The following BTBD16 variants were observed in gnomAD, a reference collection of about 807,000 sequenced individuals.
BTBD16 encodes the protein BTB domain containing 16.
In BTBD16, 66 loss-of-function variants were observed where a neutral mutation model predicts 67.4. That is an observed-to-expected ratio of 0.98 (90% CI 0.80 to 1.20). The LOEUF is 1.20. BTBD16 is among the 50% of genes most tolerant of loss of function. The pLI is 0.00. For synonymous variants in BTBD16, 242 were observed against 236.4 expected (o/e 1.02, Z -0.22); for missense variants, 634 against 616.0 (o/e 1.03, Z -0.31).
chr10:122,305,333 T>C (rs1483037947), intron 9 of BTBD16, among the ~76,000 whole-genome samples: 1 of 152,216 alleles, frequency 6.6e-6, no homozygotes, highest in Non-Finnish European at 1.5e-5. Flanking sequence ...TAATCCCCAG[T>C]GTTGGAGATG....
chr10:122,329,535 C>T lies in BTBD16; in HGVS notation c.967C>T (p.Leu323Phe), dbSNP rs758884114. 5.0e-6 allele frequency: 8 copies of T among 1,613,958 alleles called. No homozygotes were observed. The African/African-American group carries it at 9.3e-5, about 19-fold the overall frequency. ...DRDIGRSLRP[L>F]FLCLRLHGIT... is the part of the protein sequence containing the mutation. ...GGACATAGGACGGAGCTTGAGGCCG[C>T]TCTTCCTCTGCTTGCGTCTGCACGG... Residue 323 changes from leucine (L) to phenylalanine (F), a missense_variant, in exon 11 of 16, where the codon CTC (leucine) becomes TTC (phenylalanine). Coordinates refer to ENST00000260723, the MANE Select transcript of BTBD16 (RefSeq NM_144587.5).
At chr10:122,306,513 G>T (rs2096403946) in intron 9 of BTBD16, among the ~76,000 whole-genome samples, 2 of 152,306 alleles carry the variant, frequency 1.3e-5, no homozygotes, top group Middle Eastern at 3.4e-3. Context: ...CTCACAGGAG[G>T]TTCCACAGCC....
intron 3 of BTBD16, among the ~76,000 whole-genome samples, chr10:122,281,711 A>G (rs2096353608): frequency 6.6e-6 from 1 of 152,240 alleles, no homozygotes; most frequent in Admixed American, 6.5e-5. Context: ...TCTGGGACCA[A>G]GAAGCAGAAA....
intron 3 of BTBD16, among the ~76,000 whole-genome samples, chr10:122,280,334 G>A (rs538336908): frequency 2.0e-5 from 3 of 152,244 alleles, no homozygotes; most frequent in African/African-American, 7.2e-5. Flanking sequence ...TGGAAACCCA[G>A]AGATCCAGCA....
chr10:122,308,684 T>C (rs1298697277), intron 10 of BTBD16, among the ~76,000 whole-genome samples: 1 of 152,102 alleles, frequency 6.6e-6, no homozygotes, highest in African/African-American at 2.4e-5. Context: ...TGGGAAAGTG[T>C]AGGGCTTGGA....
chr10:122,337,025 C>T (rs1176566702), intron 15 of BTBD16, among the ~76,000 whole-genome samples: 1 of 152,146 alleles, frequency 6.6e-6, no homozygotes, highest in Non-Finnish European at 1.5e-5. Flanking sequence ...GTGAGTGGCA[C>T]ATTAATTTCC....
intron 10 of BTBD16, among the ~76,000 whole-genome samples, chr10:122,317,852 C>T (rs2096428653): frequency 6.6e-6 from 1 of 152,106 alleles, no homozygotes; most frequent in Admixed American, 6.5e-5. Flanking sequence ...TCTGGAATAC[C>T]TCCTGAAGGT....
intron 10 of BTBD16, among the ~76,000 whole-genome samples, chr10:122,327,173 G>A (rs992849789): frequency 2.0e-5 from 3 of 152,158 alleles, no homozygotes; most frequent in Non-Finnish European, 4.4e-5. Flanking sequence ...CAGTTCTGAG[G>A]GTGGACCACA....
At chr10:122,323,329 A>C (rs1323017880) in intron 10 of BTBD16, among the ~76,000 whole-genome samples, 2 of 152,160 alleles carry the variant, frequency 1.3e-5, no homozygotes, top group East Asian at 3.9e-4. Flanking sequence ...CTTAGGCATT[A>C]CGGTGTGTGT....
chr10:122,302,673 A>G (rs2096396393), intron 9 of BTBD16, among the ~76,000 whole-genome samples: 1 of 152,214 alleles, frequency 6.6e-6, no homozygotes, highest in Admixed American at 6.5e-5. Flanking sequence ...CATCTCAAAT[A>G]TAATAGTTCC....
chr10:122,314,987 T>C (rs922907409), intron 10 of BTBD16, among the ~76,000 whole-genome samples: 11 of 152,166 alleles, frequency 7.2e-5, no homozygotes, highest in African/African-American at 2.7e-4. Context: ...TTTCAGTAAT[T>C]CCCCAATCTG....
At chr10:122,278,699 C>A (rs2096346116) in intron 3 of BTBD16, among the ~76,000 whole-genome samples, 1 of 152,194 alleles carries the variant, frequency 6.6e-6, no homozygotes, top group East Asian at 1.9e-4. Flanking sequence ...AGGAGCCGGT[C>A]TTCTGGGGAG....
chr10:122,310,750 G>A (rs767807499), intron 10 of BTBD16, among the ~76,000 whole-genome samples: 1 of 152,168 alleles, frequency 6.6e-6, no homozygotes, highest in African/African-American at 2.4e-5. Context: ...TCTACTTCCC[G>A]GGGAGGGGGA....
intron 9 of BTBD16, among the ~76,000 whole-genome samples, chr10:122,302,202 T>G (rs2096395326): frequency 1.3e-5 from 2 of 152,228 alleles, no homozygotes; most frequent in African/African-American, 4.8e-5. Context: ...CCTTCAGCTT[T>G]TGCTTTCCAT....
At chr10:122,328,945 C>T (rs2096450144) in intron 10 of BTBD16, 1 of 567,218 alleles carries the variant, frequency 1.8e-6, no homozygotes, top group Admixed American at 6.3e-5. Flanking sequence ...CACAGCCGTT[C>T]TCTTCTTCTT....
At chr10:122,332,724 T>A in intron 13 of BTBD16, 1 of 788,084 alleles carries the variant, frequency 1.3e-6, no homozygotes, top group Non-Finnish European at 1.5e-6. Flanking sequence ...TTTAATAATT[T>A]CCCCACTAAG....
intron 3 of BTBD16, among the ~76,000 whole-genome samples, chr10:122,282,542 T>G (rs1387393584): frequency 6.6e-6 from 1 of 152,240 alleles, no homozygotes; most frequent in Admixed American, 6.5e-5. Context: ...ACAGAGCAGC[T>G]GTGGTCACAA....
chr10:122,300,851 G>T (rs2142082723), intron 9 of BTBD16, among the ~76,000 whole-genome samples: 1 of 152,282 alleles, frequency 6.6e-6, no homozygotes. Context: ...TAGAAAATGA[G>T]GGTTTACTCA....
At chr10:122,298,899 C>G in intron 8 of BTBD16, 105 bp from the exon 9 acceptor site, 1 of 1,473,262 alleles carries the variant, frequency 6.8e-7, no homozygotes, top group South Asian at 1.3e-5. Flanking sequence ...TTGAGCGCCT[C>G]TGCAGTGACT....
Sources: allele counts gnomAD v4.1 joint callset (sites outside exome capture counted in the v4.1 genomes callset), GRCh38; gene constraint gnomAD v4.1.1; transcripts MANE v1.5; gene names NCBI Gene and HGNC (gene_info 2026-07-23, HGNC 2026-07-21).